VPS4A: variants seen among roughly 807,000 people sequenced by gnomAD.
VPS4A encodes vacuolar protein sorting-associated protein 4A.
Under a neutral mutation model 52.3 loss-of-function variants are expected in VPS4A, and 20 were observed. The observed-to-expected ratio is 0.38, with a 90% CI of 0.27 to 0.56. VPS4A has a LOEUF of 0.56. VPS4A is among the 20% of genes least tolerant of loss of function. The pLI, the probability that VPS4A is intolerant of heterozygous loss-of-function variation, is 0.72. For synonymous variants in VPS4A, 293 were observed against 227.7 expected, an observed-to-expected ratio of 1.29 and a Z score of -2.58; for missense variants, 419 against 575.9, an observed-to-expected ratio of 0.73 and a Z score of 2.79.
At position 69,311,482 on chromosome 16, in the gene VPS4A, G is replaced by T; in HGVS notation, c.-30G>T. 7.6e-7 allele frequency: 1 copy of T among 1,320,066 alleles called. No homozygotes were observed. The highest frequency in any genetic ancestry group is 1.5e-5 in the African/African-American group (1 of 65,980). The allele number at this position is 1,320,066 out of a possible 1,614,324, so 81.8% of individuals were successfully genotyped here. ...CCGGACCGAGGCCGCAAGCAGCGCC[G>T]CGGGGTGTGGGGCGGACCCAGGAGA... On this transcript the variant is annotated 5_prime_UTR_variant, in exon 1 of 11. Transcript: ENST00000254950.
rs200056168 is a variant in VPS4A, at chr16:69,323,805, C to CCATG, written c.1213-402_1213-399dup. The CCATG allele has an allele frequency of 1.1e-5, 4 of 379,538 alleles. No homozygotes were observed. The East Asian group carries it at 2.9e-4, about 27-fold the overall frequency. The allele number at this position is 379,538 out of a possible 1,614,324, so 23.5% of individuals were successfully genotyped here. ...TCTCTGCTAAAAATACAAAAATCAG[C>CCATG]CATGTGTGGTGGCACGTGCCTGTAG... On this transcript the variant is annotated intron_variant, in intron 10 of 10. Transcript: ENST00000254950.
chr16:69,311,479 G>A lies in VPS4A; in HGVS notation c.-33G>A. ...GGGCCGGACCGAGGCCGCAAGCAGC[G>A]CCGCGGGGTGTGGGGCGGACCCAGG... On this transcript the variant is annotated 5_prime_UTR_variant, in exon 1 of 11. Transcript: ENST00000254950. 1 of 1,316,458 alleles carries A rather than the reference G, an allele frequency of 7.6e-7. No individual in the cohort carries two copies. Among genetic ancestry groups the A allele is most frequent in the Non-Finnish European group, 9.8e-7 (1 of 1,020,716 alleles). The allele number at this position is 1,316,458 out of a possible 1,614,324, so 81.5% of individuals were successfully genotyped here.
chr16:69,313,627 A>C (rs567091349), intron 1 of VPS4A, among the ~76,000 whole-genome samples: 1 of 152,196 alleles, frequency 6.6e-6, no homozygotes, highest in Non-Finnish European at 1.5e-5. Context: ...TATGAAATTC[A>C]CATTTCAGGG....
intron 5 of VPS4A, 121 bp from the exon 6 acceptor site, chr16:69,319,266 A>T: frequency 7.1e-7 from 1 of 1,410,808 alleles, no homozygotes; most frequent in South Asian, 1.3e-5. Flanking sequence ...CTTGTTTGCC[A>T]GTAGAGTCCG....
At position 69,318,007 on chromosome 16, in the gene VPS4A, C is replaced by CT. The variant is rs71148992; in HGVS notation, c.282-627dup. ...TCTGGCAGCTGCATTGTTTGACTGG[C>CT]TTTTTTTTTTTTTTTTCCCCCAGAC... On this transcript the variant is annotated intron_variant, in intron 3 of 10. Coordinates refer to ENST00000254950, the MANE Select transcript of VPS4A (RefSeq NM_013245.3). Among the ~76,000 whole-genome samples, 1,345 of 125,924 alleles carry CT rather than the reference C, an allele frequency of 0.011. 27 individuals are homozygous for CT. In the South Asian group the frequency reaches 0.12, roughly 11 times the overall value. The allele number at this position is 125,924 out of a possible 152,430, so 82.6% of individuals were successfully genotyped here. A position where few individuals can be genotyped will look rare whatever the true frequency, so the allele number is the denominator to read the frequency against.
intron 1 of VPS4A, among the ~76,000 whole-genome samples, chr16:69,314,539 CAAG>C (rs1279055337): frequency 6.6e-6 from 1 of 152,010 alleles, no homozygotes; most frequent in Non-Finnish European, 1.5e-5. Context: ...AGCTCATTTC[CAAG>C]AAGGTTTGGG....
In VPS4A at chr16:69,325,908, C is replaced by CAGAT. The variant is rs1475753636; in HGVS notation, c.*1602_*1605dup. On this transcript the variant is annotated 3_prime_UTR_variant, in exon 11 of 11. Coordinates refer to ENST00000254950, the MANE Select transcript of VPS4A (RefSeq NM_013245.3). ...TCCCCACTCATCTGTGTTGCCTGCC[C>CAGAT]AGATAGCCCCATGGCCATTTCAGTT... The CAGAT allele has an allele frequency of 6.6e-6, 1 of 152,274 alleles. No individual in the cohort carries two copies. Among genetic ancestry groups the CAGAT allele is most frequent in the Non-Finnish European group, 1.5e-5 (1 of 68,172 alleles). The allele number at this position is 152,274 out of a possible 1,614,324, so 9.4% of individuals were successfully genotyped here.
At position 69,319,486 on chromosome 16, in the gene VPS4A, CCTT is replaced by C. The variant is rs1198712600; in HGVS notation, c.569_571del (p.Phe190del). 2 of 1,613,904 alleles carry C rather than the reference CCTT, an allele frequency of 1.2e-6. No individual in the cohort carries two copies. Among genetic ancestry groups the C allele is most frequent in the South Asian group, 1.1e-5 (1 of 91,088 alleles). On this transcript the variant is annotated inframe_deletion, in exon 6 of 11. Transcript: ENST00000254950. The stretch of plus-strand genomic sequence containing the variant: ...GTGGCAACAGAGGCCAACAACTCCA[CCTT>C]CTTCTCTGTGTCCTCCTCAGATCTG...
At chr16:69,313,686 T>G (rs367997966) in intron 1 of VPS4A, among the ~76,000 whole-genome samples, 2 of 152,250 alleles carry the variant, frequency 1.3e-5, no homozygotes, top group Non-Finnish European at 1.5e-5. Flanking sequence ...TTTATTGATA[T>G]ACTGTCTACA....
intron 9 of VPS4A, chr16:69,322,162 C>A (rs1567424766): frequency 6.0e-6 from 1 of 166,480 alleles, no homozygotes; most frequent in African/African-American, 2.4e-5. Flanking sequence ...TTCACCATCA[C>A]GAGAATAGCA....
chr16:69,325,013 G>A lies in VPS4A; in HGVS notation c.*704G>A, dbSNP rs12258. 7,930 of 152,550 alleles carry A rather than the reference G, an allele frequency of 0.052. 283 individuals are homozygous for A. Among genetic ancestry groups the A allele is most frequent in the Non-Finnish European group, 0.074 (5,035 of 68,216 alleles). 9.4% of individuals were successfully genotyped at this position (152,550 alleles called of 1,614,324 possible). On this transcript the variant is annotated 3_prime_UTR_variant, in exon 11 of 11. Coordinates refer to ENST00000254950, the MANE Select transcript of VPS4A (RefSeq NM_013245.3). ...CCCCTGGGTCCCTGTCCTGGAAATG[G>A]TCTAATAAATCCTTTTCCCTTCTTG... is the stretch of plus-strand genomic sequence containing the variant.
rs1965590570 is a variant in VPS4A, at chr16:69,326,061, C to G, written c.*1752C>G. On this transcript the variant is annotated 3_prime_UTR_variant, in exon 11 of 11. Coordinates refer to ENST00000254950, the MANE Select transcript of VPS4A (RefSeq NM_013245.3). ...AAACAGACCAAAGTCAAAGCACATT[C>G]ACACAGAAAGACCTGGCCTAGTAAA... 6.6e-6 allele frequency: 1 copy of G among 152,360 alleles called. No individual in the cohort carries two copies. Among genetic ancestry groups the G allele is most frequent in the South Asian group, 2.1e-4 (1 of 4,834 alleles). The allele number at this position is 152,360 out of a possible 1,614,324, so 9.4% of individuals were successfully genotyped here.
In VPS4A at chr16:69,324,768, C is replaced by G. The variant is rs1965564491; in HGVS notation, c.*459C>G. 1 of 186,970 alleles carries G rather than the reference C, an allele frequency of 5.3e-6. No individual in the cohort carries two copies. Among genetic ancestry groups the G allele is most frequent in the Non-Finnish European group, 1.1e-5 (1 of 87,452 alleles). The allele number at this position is 186,970 out of a possible 1,614,324, so 11.6% of individuals were successfully genotyped here. A position where few individuals can be genotyped will look rare whatever the true frequency, so the allele number is the denominator to read the frequency against. On this transcript the variant is annotated 3_prime_UTR_variant, in exon 11 of 11. Transcript: ENST00000254950. ...GTTCCTTTTACGCCCAAGTTTTGCT[C>G]CTTGAGAGCAGATTGGCTGATGCCC...
chr16:69,314,769 C>T (rs1965415653), intron 1 of VPS4A, among the ~76,000 whole-genome samples: 1 of 152,052 alleles, frequency 6.6e-6, no homozygotes, highest in Non-Finnish European at 1.5e-5. Flanking sequence ...ATGCCCCGGC[C>T]CTGCCAAGAG....
intron 6 of VPS4A, among the ~76,000 whole-genome samples, 197 bp downstream of exon 6, chr16:69,319,740 T>C (rs79744798): frequency 4.0e-5 from 6 of 151,830 alleles, no homozygotes; most frequent in African/African-American, 1.4e-4. Flanking sequence ...CTGGGAGAGG[T>C]GAAGTGCTCC....
rs951148167 is a variant in VPS4A at position 69,318,548 on chromosome 16, G to A, written c.282-102G>A. ...GGCACTGTTAAGCCAGGAAGGCTTC[G>A]TTCCTTAACCAGTGTGCAGGCAGCG... On this transcript the variant is annotated intron_variant, in intron 3 of 10. Transcript: ENST00000254950. The A allele has an allele frequency of 1.4e-5, 19 of 1,323,696 alleles. 1 individual carries two copies. The African/African-American group carries it at 1.9e-4, about 13-fold the overall frequency. The allele number at this position is 1,323,696 out of a possible 1,614,324, so 82.0% of individuals were successfully genotyped here.
rs1965493448 is a variant in VPS4A at position 69,320,204 on chromosome 16, G to A, written c.684G>A (p.Glu228=). 1.9e-6 allele frequency: 3 copies of A among 1,613,892 alleles called. No individual in the cohort carries two copies. The highest frequency in any genetic ancestry group is 3.3e-5 in the Admixed American group (2 of 60,008). The change falls in exon 7 of 11, where the codon GAG becomes GAA. Residue 228 remains glutamate, a synonymous_variant. Coordinates refer to ENST00000254950, the MANE Select transcript of VPS4A (RefSeq NM_013245.3). The surrounding 1 kb of genome is among the most constrained non-coding windows in gnomAD (Gnocchi z 4.2). The part of the protein sequence containing the change: ...QHKPSIIFID[E]VDSLCGSRNE... ...AGCCCTCCATCATCTTCATCGATGA[G>A]GTGGATTCCCTCTGCGGGTCCCGAA...
In VPS4A at chr16:69,322,655, G is replaced by C; in HGVS notation, c.1167G>C (p.Trp389Cys). ...ACCCAGGAGCCATGGAGATGACTTG[G>C]ATGGATGTCCCTGGGGACAAACTCT... Reference protein sequence around the residue: ...PGDPGAMEMTWMDVPGDKLLE... With the variant: ...PGDPGAMEMTCMDVPGDKLLE... Residue 389 changes from tryptophan to cysteine, a missense_variant, in exon 10 of 11, where the codon TGG becomes TGC. Physicochemically the swap from Trp to Cys is radical, Grantham distance 215 (BLOSUM62 -2). Around this residue, in one of 3 missense-constraint regions of VPS4A, gnomAD observed 185 missense variants for 200.2 expected, o/e 0.92. Coordinates refer to ENST00000254950, the MANE Select transcript of VPS4A (RefSeq NM_013245.3). The C allele has an allele frequency of 6.2e-7, 1 of 1,613,956 alleles. No individual in the cohort carries two copies. The highest frequency in any genetic ancestry group is 1.1e-5 in the South Asian group (1 of 91,072).
At chr16:69,312,716 G>T (rs1418094051) in intron 1 of VPS4A, among the ~76,000 whole-genome samples, 1 of 152,082 alleles carries the variant, frequency 6.6e-6, no homozygotes, top group Non-Finnish European at 1.5e-5. Context: ...AGGTTCAAGC[G>T]ATTCTCCTGC....
Sources: allele counts gnomAD v4.1 joint callset (sites outside exome capture counted in the v4.1 genomes callset), GRCh38; gene constraint gnomAD v4.1.1; regional missense constraint gnomAD v4.1.1; non-coding constraint Gnocchi (gnomAD v3.1); transcripts MANE v1.5; gene names NCBI Gene and HGNC (gene_info 2026-07-23, HGNC 2026-07-21).